CNTNAP2: variants seen among roughly 807,000 people sequenced by gnomAD.
CNTNAP2 encodes contactin associated protein 2, also known as contactin-associated protein-like 2.
CNTNAP2 carries 98 observed loss-of-function variants against 155.2 expected under a neutral mutation model. That is an observed-to-expected ratio of 0.63 (90% CI 0.54 to 0.75). The LOEUF is 0.75. Among genes scored for constraint, CNTNAP2 ranks in the 30% least tolerant of loss-of-function variants. The pLI, the probability that CNTNAP2 is intolerant of heterozygous loss-of-function variation, is 0.00. For synonymous variants in CNTNAP2, 651 were observed against 631.2 expected, an observed-to-expected ratio of 1.03 and a Z score of -0.47; for missense variants, 1,727 against 1,688.1, an observed-to-expected ratio of 1.02 and a Z score of -0.40.
At chr7:146,464,021 A>C (rs1796678179) in intron 1 of CNTNAP2, among the ~76,000 whole-genome samples, 2 of 152,126 alleles carry the variant, frequency 1.3e-5, no homozygotes, top group Non-Finnish European at 1.5e-5. Flanking sequence ...AATGTGTTTG[A>C]TCCTGCTATT....
intron 13 of CNTNAP2, among the ~76,000 whole-genome samples, chr7:147,663,164 A>G (rs1003356359): frequency 2.9e-5 from 3 of 103,924 alleles, no homozygotes; most frequent in African/African-American, 3.9e-5. Flanking sequence ...ACGCCCGGCT[A>G]ATTTTTGTAA....
At position 148,217,503 on chromosome 7, in the gene CNTNAP2, G is replaced by A. The variant is rs1270594834; in HGVS notation, c.3226G>A (p.Ala1076Thr). 5 of 1,613,996 alleles carry A rather than the reference G, an allele frequency of 3.1e-6. No individual in the cohort carries two copies. In the African/African-American group the frequency reaches 4.0e-5, roughly 13 times the overall value. ...YISSFTTDFL[A>T]VLVKPTGSLQ... ...CAGCTCCTTCACCACAGACTTCTTG[G>A]CAGTCCTCGTCAAACCCACTGGTAA... is the stretch of plus-strand genomic sequence containing the variant. Residue 1076 changes from alanine to threonine, a missense_variant, in exon 19 of 24, where the codon GCA becomes ACA. Physicochemically the swap from Ala to Thr is moderately conservative, Grantham distance 58. Transcript: ENST00000361727.
chr7:146,495,578 T>C (rs920325554), intron 1 of CNTNAP2, among the ~76,000 whole-genome samples: 13 of 148,366 alleles, frequency 8.8e-5, no homozygotes, highest in African/African-American at 2.2e-4. Context: ...TTTTTTGCCT[T>C]CGTAAAGCAC....
At chr7:147,640,781 AGAGGAAG>A (rs1219401576) in intron 13 of CNTNAP2, among the ~76,000 whole-genome samples, 10 of 152,286 alleles carry the variant, frequency 6.6e-5, no homozygotes, top group African/African-American at 2.4e-4. Flanking sequence ...AGAGACAGAG[AGAGGAAG>A]GGATTCCAAT....
intron 16 of CNTNAP2, among the ~76,000 whole-genome samples, chr7:148,119,885 G>A (rs762394185): frequency 2.6e-5 from 4 of 151,840 alleles, no homozygotes; most frequent in African/African-American, 7.3e-5. Flanking sequence ...TTGAAAGGGA[G>A]GCTAAGGCTA....
At chr7:147,583,530 AT>A (rs1180221929) in intron 12 of CNTNAP2, among the ~76,000 whole-genome samples, 70 of 142,870 alleles carry the variant, frequency 4.9e-4, no homozygotes, top group African/African-American at 1.7e-3. Context: ...ATATATATAT[AT>A]AATGTCAAAC....
rs1214378629 is a variant in CNTNAP2, at chr7:146,532,028, A to G, written c.98-242243A>G. Among the ~76,000 whole-genome samples, 4 of 152,182 alleles carry G rather than the reference A, an allele frequency of 2.6e-5. No individual in the cohort carries two copies. The East Asian group carries it at 7.7e-4, about 29-fold the overall frequency. On this transcript the variant is annotated intron_variant, in intron 1 of 23. Transcript: ENST00000361727. ...CAGTTTCCATTAAAAAAAGAAAAATAAAAATTACAATCTTGGCGATAAAGA... is the reference window on the plus strand; with the variant it reads ...CAGTTTCCATTAAAAAAAGAAAAATGAAAATTACAATCTTGGCGATAAAGA...
intron 9 of CNTNAP2, among the ~76,000 whole-genome samples, chr7:147,352,684 T>C (rs1795986847): frequency 6.6e-6 from 1 of 152,014 alleles, no homozygotes; most frequent in Non-Finnish European, 1.5e-5. Context: ...TTAACCATGG[T>C]AGAATTCTCA....
intron 1 of CNTNAP2, among the ~76,000 whole-genome samples, chr7:146,617,867 T>C (rs1050595863): frequency 6.6e-6 from 1 of 152,168 alleles, no homozygotes; most frequent in Admixed American, 6.5e-5. Context: ...AAAATGACTA[T>C]GATAAAATAC....
intron 8 of CNTNAP2, among the ~76,000 whole-genome samples, chr7:147,160,907 G>A (rs1802012743): frequency 6.6e-6 from 1 of 152,082 alleles, no homozygotes; most frequent in African/African-American, 2.4e-5. Flanking sequence ...TGATCCTAAA[G>A]ACTTTTTCTT....
At chr7:147,520,220 A>C (rs1272337378) in intron 11 of CNTNAP2, among the ~76,000 whole-genome samples, 1 of 152,258 alleles carries the variant, frequency 6.6e-6, no homozygotes, top group Admixed American at 6.5e-5. Context: ...AAATGCATTT[A>C]GAATGTTAAT....
rs371247799 is a variant in CNTNAP2, at chr7:146,297,602, G to A, written c.97+180629G>A. Among the ~76,000 whole-genome samples the A allele has an allele frequency of 3.9e-5, 6 of 152,216 alleles. No individual in the cohort carries two copies. The East Asian group carries it at 1.2e-3, about 29-fold the overall frequency. The stretch of plus-strand genomic sequence containing the variant: ...GAAATAGGTAGATAATATAGAAAAA[G>A]TTTTGAAAGTTTCAGTAAATATGAT... On this transcript the variant is annotated intron_variant, in intron 1 of 23. Coordinates refer to ENST00000361727, the MANE Select transcript of CNTNAP2 (RefSeq NM_014141.6).
At chr7:147,434,001 C>T (rs1797507286) in intron 10 of CNTNAP2, among the ~76,000 whole-genome samples, 2 of 151,946 alleles carry the variant, frequency 1.3e-5, no homozygotes, top group South Asian at 4.2e-4. Context: ...GTATAAATAC[C>T]TTATCAGTCC....
At chr7:146,858,009 A>C (rs1795024658) in intron 3 of CNTNAP2, among the ~76,000 whole-genome samples, 1 of 152,192 alleles carries the variant, frequency 6.6e-6, no homozygotes, top group African/African-American at 2.4e-5. Context: ...TAAGTTTGAA[A>C]GTGGAAAGAA....
At chr7:148,295,648 C>T (rs1354401414) in intron 21 of CNTNAP2, among the ~76,000 whole-genome samples, 1 of 141,902 alleles carries the variant, frequency 7.0e-6, no homozygotes, top group African/African-American at 2.7e-5. Flanking sequence ...CCCGCCACCG[C>T]GCCTGGCTAA....
intron 1 of CNTNAP2, among the ~76,000 whole-genome samples, chr7:146,643,840 G>A (rs1394753739): frequency 1.3e-5 from 2 of 151,524 alleles, no homozygotes; most frequent in South Asian, 2.1e-4. Flanking sequence ...ATTTCCTTGA[G>A]CAGTGGTTTG....
At position 147,629,276 on chromosome 7, in the gene CNTNAP2, G is replaced by A. The variant is rs114346772; in HGVS notation, c.1898-9830G>A. ...AAATTAGCCAAGCAACGTGATGGGT[G>A]CCTGTAATCCCAGCTACCTGGGAGG... On this transcript the variant is annotated intron_variant, in intron 12 of 23. Coordinates refer to ENST00000361727, the MANE Select transcript of CNTNAP2 (RefSeq NM_014141.6). Among the ~76,000 whole-genome samples the A allele has an allele frequency of 4.6e-3, 694 of 152,074 alleles. 7 individuals carry two copies. The highest frequency in any genetic ancestry group is 0.016 in the African/African-American group (649 of 41,488).
intron 13 of CNTNAP2, among the ~76,000 whole-genome samples, chr7:147,825,869 TG>T (rs1798438524): frequency 1.3e-5 from 2 of 152,066 alleles, no homozygotes. Context: ...ATATGGGGTG[TG>T]GGTGTTGAAG....
intron 15 of CNTNAP2, among the ~76,000 whole-genome samples, chr7:148,047,648 C>G (rs1802798423): frequency 6.6e-6 from 1 of 152,212 alleles, no homozygotes; most frequent in Non-Finnish European, 1.5e-5. Context: ...TCACCTTGTT[C>G]TACATCAGTA....
Sources: allele counts gnomAD v4.1 joint callset (sites outside exome capture counted in the v4.1 genomes callset), GRCh38; gene constraint gnomAD v4.1.1; transcripts MANE v1.5; gene names NCBI Gene and HGNC (gene_info 2026-07-23, HGNC 2026-07-21).